Variants in IGSF5 observed in about 807,000 individuals in gnomAD.
IGSF5 encodes immunoglobulin superfamily member 5, also known as immunoglobulin superfamily 5 like.
A neutral mutation model predicts 39.4 loss-of-function variants in IGSF5; 41 were observed. That is an observed-to-expected ratio of 1.04 (90% CI 0.81 to 1.35). IGSF5 has a LOEUF of 1.35. Among genes scored for constraint, IGSF5 ranks in the 40% most tolerant of loss-of-function variants. The pLI is 0.00. For synonymous variants in IGSF5, 183 were observed against 175.3 expected (o/e 1.04, Z -0.34); for missense variants, 487 against 494.6 (o/e 0.98, Z 0.15).
chr21:39,742,825 C>T (rs554715569), upstream of IGSF5, among the ~76,000 whole-genome samples: 140 of 152,192 alleles, frequency 9.2e-4, no homozygotes, highest in Non-Finnish European at 1.8e-3. Context: ...TCCTCCTGAT[C>T]TCTATTATAA....
At chr21:39,773,551 C>T (rs943308280) in intron 4 of IGSF5, among the ~76,000 whole-genome samples, 3 of 149,878 alleles carry the variant, frequency 2.0e-5, no homozygotes, top group East Asian at 2.0e-4. Context: ...TGTCATTTTT[C>T]GTTTTGACAC....
At chr21:39,792,158 T>C (rs764477796) in intron 7 of IGSF5, 59 bp downstream of exon 7, 40 of 1,196,554 alleles carry the variant, frequency 3.3e-5, no homozygotes, top group Non-Finnish European at 4.7e-5. Context: ...GAAGAAGGGC[T>C]GGCTTGCTAG....
chr21:39,764,410 G>C (rs1210194758), intron 2 of IGSF5, among the ~76,000 whole-genome samples: 5 of 152,070 alleles, frequency 3.3e-5, no homozygotes, highest in Non-Finnish European at 7.4e-5. Flanking sequence ...GCGTGATCTC[G>C]GCTCACTGCA....
At chr21:39,749,606 G>A (rs956619258) in intron 2 of IGSF5, among the ~76,000 whole-genome samples, 4 of 152,206 alleles carry the variant, frequency 2.6e-5, no homozygotes, top group African/African-American at 9.6e-5. Flanking sequence ...GCCCAAAGTG[G>A]TCAGGGCACA....
chr21:39,800,008 A>G (rs1420054980), intron 8 of IGSF5, among the ~76,000 whole-genome samples: 2 of 152,198 alleles, frequency 1.3e-5, no homozygotes, highest in Non-Finnish European at 2.9e-5. Context: ...TTTCTAGACA[A>G]GAGTTTCCCT....
chr21:39,790,873 C>A (rs1490607559), intron 6 of IGSF5, among the ~76,000 whole-genome samples: 1 of 152,056 alleles, frequency 6.6e-6, no homozygotes, highest in Non-Finnish European at 1.5e-5. Context: ...AATAAAGAAG[C>A]AGTACAGTAT....
At chr21:39,775,331 G>A (rs1788583093) in intron 4 of IGSF5, among the ~76,000 whole-genome samples, 2 of 152,152 alleles carry the variant, frequency 1.3e-5, no homozygotes, top group South Asian at 4.2e-4. Context: ...GAGCACATAG[G>A]ACTGGAAAGG....
Position 39,765,558 on chromosome 21 carries a change from A to T in IGSF5, c.124A>T (p.Ile42Leu). ...VDGSGSGNEV[I>L]EGPQNARVLK... The stretch of plus-strand genomic sequence containing the variant: ...AGGTTCTGGGTCTGGTAATGAAGTC[A>T]TAGAAGGCCCCCAAAATGCAAGAGT... Residue 42 changes from isoleucine to leucine, a missense_variant, in exon 3 of 9, where the codon ATA (isoleucine) becomes TTA (leucine). By Grantham distance (5) the Ile-to-Leu change is conservative (BLOSUM62 2). Transcript: ENST00000380588. 2 of 1,613,882 alleles carry T rather than the reference A, an allele frequency of 1.2e-6. No homozygotes were observed. Among genetic ancestry groups the T allele is most frequent in the Non-Finnish European group, 1.7e-6 (2 of 1,179,752 alleles).
chr21:39,788,552 T>A (rs530773428), intron 6 of IGSF5, among the ~76,000 whole-genome samples: 1 of 152,364 alleles, frequency 6.6e-6, no homozygotes, highest in East Asian at 1.9e-4. Flanking sequence ...GCAGAGGTCC[T>A]GCTGGAATTT....
chr21:39,793,490 G>T (rs752623178), intron 7 of IGSF5, 44 bp from the exon 8 acceptor site: 1 of 1,443,724 alleles, frequency 6.9e-7, no homozygotes, highest in Admixed American at 1.7e-5. Context: ...CACACAGCTT[G>T]GTTTTTGCCA....
intron 7 of IGSF5, 60 bp downstream of exon 7, chr21:39,792,159 G>A (rs1297177259): frequency 1.7e-6 from 2 of 1,165,606 alleles, no homozygotes; most frequent in Non-Finnish European, 2.5e-6. Context: ...AAGAAGGGCT[G>A]GCTTGCTAGA....
intron 3 of IGSF5, among the ~76,000 whole-genome samples, chr21:39,767,700 A>G (rs1268853680): frequency 6.6e-6 from 1 of 152,214 alleles, no homozygotes; most frequent in Non-Finnish European, 1.5e-5. Flanking sequence ...TTAGAACCTC[A>G]CAAGAAGAGT....
intron 2 of IGSF5, among the ~76,000 whole-genome samples, chr21:39,752,670 A>G (rs562861350): frequency 6.6e-6 from 1 of 152,228 alleles, no homozygotes; most frequent in African/African-American, 2.4e-5. Flanking sequence ...ACCAACATTT[A>G]TGGCTTTGTC....
the IGSF5 span, among the ~76,000 whole-genome samples, chr21:39,716,574 C>A: frequency 1.3e-5 from 2 of 152,134 alleles, no homozygotes; most frequent in Non-Finnish European, 2.9e-5. Flanking sequence ...ATTTAGCTCC[C>A]GCTTGTAAGT....
At chr21:39,782,568 ACTACT>A (rs1341641421) in intron 5 of IGSF5, among the ~76,000 whole-genome samples, 2 of 152,152 alleles carry the variant, frequency 1.3e-5, no homozygotes, top group Non-Finnish European at 2.9e-5. Context: ...TATCAATTTG[ACTACT>A]CTAAGTATCT....
At chr21:39,794,423 T>C (rs1383649656) in intron 8 of IGSF5, among the ~76,000 whole-genome samples, 5 of 152,186 alleles carry the variant, frequency 3.3e-5, no homozygotes, top group African/African-American at 1.2e-4. Context: ...AATGTTTCGA[T>C]GGGAGCTGTC....
intron 5 of IGSF5, among the ~76,000 whole-genome samples, chr21:39,781,943 T>G (rs1270487777): frequency 6.6e-6 from 1 of 152,192 alleles, no homozygotes. Context: ...TATGGAAGTT[T>G]TTTTCTGGTG....
At chr21:39,751,732 A>G (rs1347815081) in intron 2 of IGSF5, among the ~76,000 whole-genome samples, 1 of 152,178 alleles carries the variant, frequency 6.6e-6, no homozygotes, top group African/African-American at 2.4e-5. Context: ...GCAGTGGGGA[A>G]GTCTGGGCTT....
chr21:39,713,607 C>T, the IGSF5 span, among the ~76,000 whole-genome samples: 2 of 152,188 alleles, frequency 1.3e-5, no homozygotes, highest in African/African-American at 2.4e-5. Context: ...CTGCCCTGCT[C>T]TTCCTTCTCT....
Sources: gnomAD v4.1 joint callset for allele counts (sites outside exome capture counted in the v4.1 genomes callset) on GRCh38, gnomAD v4.1.1 for gene constraint, MANE v1.5 for transcripts, NCBI Gene and HGNC (gene_info 2026-07-23, HGNC 2026-07-21) for gene names.